PDE11A: variants seen among roughly 807,000 people sequenced by gnomAD.
PDE11A encodes the protein phosphodiesterase 11A.
A neutral mutation model predicts 100.5 loss-of-function variants in PDE11A; 100 were observed. The observed-to-expected ratio is 1.00, with a 90% CI of 0.85 to 1.18. The LOEUF is 1.18. Ranked by LOEUF, PDE11A falls within the 50% of genes most tolerant of loss-of-function variation. PDE11A has a pLI of 0.00. For synonymous variants in PDE11A, 381 were observed against 420.8 expected (o/e 0.91, Z 1.16); for missense variants, 1,141 against 1,152.6 (o/e 0.99, Z 0.15).
At chr2:177,998,780 C>A in intron 2 of PDE11A, 1 of 743,578 alleles carries the variant, frequency 1.3e-6, no homozygotes, top group Non-Finnish European at 2.4e-6. Context: ...TGGTGAGCGA[C>A]AAGCCCAGGG....
chr2:177,670,701 T>C (rs1305797172), intron 17 of PDE11A, among the ~76,000 whole-genome samples: 1 of 152,188 alleles, frequency 6.6e-6, no homozygotes, highest in Non-Finnish European at 1.5e-5. Flanking sequence ...TTTAACTCCG[T>C]TGATCTCTCA....
chr2:177,777,380 T>C (rs573052614), intron 9 of PDE11A, among the ~76,000 whole-genome samples: 1 of 152,210 alleles, frequency 6.6e-6, no homozygotes, highest in Admixed American at 6.5e-5. Flanking sequence ...TAATTACTTT[T>C]AGCATAGTCA....
At chr2:177,857,995 T>G (rs2105663284) in intron 5 of PDE11A, among the ~76,000 whole-genome samples, 1 of 151,842 alleles carries the variant, frequency 6.6e-6, no homozygotes, top group African/African-American at 2.4e-5. Context: ...AATATAACAA[T>G]TAAAGGATTC....
chr2:178,076,767 A>C (rs1290583794), upstream of PDE11A, among the ~76,000 whole-genome samples: 1 of 152,208 alleles, frequency 6.6e-6, no homozygotes, highest in Non-Finnish European at 1.5e-5. Flanking sequence ...TAGGTTAACT[A>C]GTGGTTCTTC....
intron 2 of PDE11A, chr2:177,922,866 C>T (rs2085073350): frequency 2.1e-6 from 2 of 972,226 alleles, no homozygotes; most frequent in African/African-American, 3.5e-5. Context: ...TTATCCATGC[C>T]CATGTACAAC....
intron 10 of PDE11A, among the ~76,000 whole-genome samples, chr2:177,762,993 C>T (rs555926870): frequency 1.3e-5 from 2 of 152,330 alleles, no homozygotes; most frequent in Admixed American, 6.5e-5. Context: ...ATCTTCAATA[C>T]TCAAGAGTGA....
chr2:177,731,402 T>A (rs2081687500), intron 10 of PDE11A, among the ~76,000 whole-genome samples: 1 of 152,158 alleles, frequency 6.6e-6, no homozygotes, highest in Admixed American at 6.5e-5. Flanking sequence ...CAAATATCAG[T>A]GTCTTTGTGT....
intron 6 of PDE11A, among the ~76,000 whole-genome samples, chr2:177,827,903 G>A (rs1331988050): frequency 6.6e-6 from 1 of 152,138 alleles, no homozygotes; most frequent in East Asian, 1.9e-4. Flanking sequence ...CTCCTAGTTG[G>A]AATAAATCCC....
rs113105331 is a variant in PDE11A, at chr2:178,047,817, AC to A, written c.912+23708del. On this transcript the variant is annotated intron_variant, in intron 1 of 19. Coordinates refer to ENST00000286063, the MANE Select transcript of PDE11A (RefSeq NM_016953.4). ...GAGAGTCTCAGAAGTCATTTTCCTAACCCCCCCATGTTATATATGGAGATTC... is the reference window on the plus strand; with the variant it reads ...GAGAGTCTCAGAAGTCATTTTCCTAACCCCCCATGTTATATATGGAGATTC... Among the ~76,000 whole-genome samples the A allele has an allele frequency of 4.2e-3, 631 of 151,876 alleles. 7 individuals are homozygous for A. Among genetic ancestry groups the A allele is most frequent in the African/African-American group, 0.014 (586 of 41,390 alleles).
chr2:177,783,270 T>A (rs914969514), intron 9 of PDE11A, among the ~76,000 whole-genome samples: 2 of 152,208 alleles, frequency 1.3e-5, no homozygotes, highest in African/African-American at 4.8e-5. Flanking sequence ...AACTCCTTCC[T>A]TAGTCTTAGT....
chr2:177,733,723 G>A (rs956060058), intron 10 of PDE11A, among the ~76,000 whole-genome samples: 12 of 152,216 alleles, frequency 7.9e-5, no homozygotes, highest in African/African-American at 2.9e-4. Flanking sequence ...GAGACAGGAG[G>A]TTGAGCTGTG....
In PDE11A at chr2:177,856,070, C is replaced by T. The variant is rs2083827909; in HGVS notation, c.1368-15687G>A. On this transcript the variant is annotated intron_variant, in intron 5 of 19. Transcript: ENST00000286063. ...ATCCCTGTCAGAGGATTGAAGGCAT[C>T]CCTCATATGCACATAGAGCTCCTCA... Among the ~76,000 whole-genome samples, 2 of 151,934 alleles carry T rather than the reference C, an allele frequency of 1.3e-5. 1 individual carries two copies. Among genetic ancestry groups the T allele is most frequent in the Admixed American group, 1.3e-4 (2 of 15,232 alleles).
In PDE11A at chr2:178,091,322, C is replaced by T. The variant is rs1040607982; in HGVS notation, c.162+12980G>A. 2.6e-5 allele frequency among the ~76,000 whole-genome samples: 4 copies of T among 152,252 alleles called. No homozygotes were observed. In the South Asian group the frequency reaches 8.3e-4, roughly 32 times the overall value. On this transcript the variant is annotated intron_variant, in intron 2 of 20. Coordinates refer to the PDE11A transcript ENST00000358450. ...CTGGGCTCAAGCGATCTGTGCACCT[C>T]GGCCTCCCAAAGTGCTGGGATTACA...
At chr2:177,904,643 C>T (rs1294448528) in intron 3 of PDE11A, among the ~76,000 whole-genome samples, 1 of 150,000 alleles carries the variant, frequency 6.7e-6, no homozygotes, top group Non-Finnish European at 1.5e-5. Context: ...TGACCTCCGC[C>T]TCCTGGGTTC....
At chr2:177,940,383 G>A (rs2105772145) in intron 2 of PDE11A, among the ~76,000 whole-genome samples, 1 of 152,038 alleles carries the variant, frequency 6.6e-6, no homozygotes, top group South Asian at 2.1e-4. Flanking sequence ...GATGATATTT[G>A]GAATTATATT....
chr2:177,680,965 G>T, intron 15 of PDE11A, 62 bp from the exon 16 acceptor site: 1 of 883,122 alleles, frequency 1.1e-6, no homozygotes, highest in Non-Finnish European at 1.9e-6. Context: ...TTCCCAGTCT[G>T]TGGGGTGACA....
At chr2:178,020,924 GGTGTGTGT>G (rs532087273) in intron 1 of PDE11A, among the ~76,000 whole-genome samples, 19,539 of 125,484 alleles carry the variant, frequency 0.16, 1,493 homozygotes, top group East Asian at 0.24. Context: ...TTTTTGTCTT[GGTGTGTGT>G]GTGTGTGTGT....
intron 2 of PDE11A, among the ~76,000 whole-genome samples, chr2:177,940,733 A>G (rs1330102612): frequency 6.6e-6 from 1 of 152,226 alleles, no homozygotes; most frequent in Non-Finnish European, 1.5e-5. Flanking sequence ...AAATTTAAAA[A>G]TCACTAAATT....
intron 19 of PDE11A, among the ~76,000 whole-genome samples, chr2:177,630,186 G>T (rs1268128437): frequency 6.6e-6 from 1 of 152,214 alleles, no homozygotes; most frequent in African/African-American, 2.4e-5. Flanking sequence ...GGGGATGAGG[G>T]AAGAGGAAAT....
Sources: gnomAD v4.1 joint callset for allele counts (sites outside exome capture counted in the v4.1 genomes callset) on GRCh38, gnomAD v4.1.1 for gene constraint, MANE v1.5 for transcripts, NCBI Gene and HGNC (gene_info 2026-07-23, HGNC 2026-07-21) for gene names.